The following SMARCAD1 variants were observed in gnomAD, a reference collection of about 807,000 sequenced individuals.
SMARCAD1 encodes SNF2 related chromatin remodeling ATPase with DExD box 1.
In SMARCAD1, 25 loss-of-function variants were observed where a neutral mutation model predicts 127.1. The ratio of observed to expected loss-of-function variants is 0.20; its 90% CI spans 0.14 to 0.27. The LOEUF (loss-of-function observed/expected upper bound fraction) is 0.27, where lower values mean the gene tolerates loss of function less well. SMARCAD1 is among the 10% of genes least tolerant of loss of function. The pLI is 1.00. For synonymous variants in SMARCAD1, 400 were observed against 396.9 expected (o/e 1.01, Z -0.09); for missense variants, 807 against 1,206.0 (o/e 0.67, Z 4.90).
intron 2 of SMARCAD1, among the ~76,000 whole-genome samples, chr4:94,216,738 A>G (rs1267599056): frequency 6.6e-6 from 1 of 152,214 alleles, no homozygotes; most frequent in African/African-American, 2.4e-5. Flanking sequence ...GGATCCATCC[A>G]TGTTGTAGCA....
At chr4:94,284,334 A>G (rs1185406721) in intron 22 of SMARCAD1, among the ~76,000 whole-genome samples, 2 of 97,672 alleles carry the variant, frequency 2.0e-5, no homozygotes, top group Non-Finnish European at 4.5e-5. Flanking sequence ...CTCAAAAAAA[A>G]AAAAAAAAAA....
chr4:94,218,287 T>C (rs538219188), intron 2 of SMARCAD1, among the ~76,000 whole-genome samples: 1 of 151,876 alleles, frequency 6.6e-6, no homozygotes, highest in East Asian at 1.9e-4. Flanking sequence ...AATTGTTTTA[T>C]TTTATTTTTT....
chr4:94,223,686 A>AG (rs1744525229), intron 2 of SMARCAD1, among the ~76,000 whole-genome samples: 1 of 132,514 alleles, frequency 7.5e-6, no homozygotes. Context: ...CTCCTGCCTC[A>AG]CCTCCCCAGT....
At chr4:94,240,124 TAATG>T in intron 5 of SMARCAD1, among the ~76,000 whole-genome samples, 1 of 152,336 alleles carries the variant, frequency 6.6e-6, no homozygotes. Flanking sequence ...CTGATATAAT[TAATG>T]CTGAAATCTT....
intron 7 of SMARCAD1, 39 bp from the exon 8 acceptor site, chr4:94,250,713 T>A (rs755569121): frequency 2.1e-6 from 3 of 1,444,784 alleles, no homozygotes; most frequent in Admixed American, 4.0e-5. Flanking sequence ...AGTTGCTAAT[T>A]TGAGATTTTT....
rs1753619788 is a variant in SMARCAD1, at chr4:94,278,668, C to T, written c.2231C>T (p.Ser744Leu). 1.2e-6 allele frequency: 2 copies of T among 1,613,812 alleles called. No homozygotes were observed. The highest frequency in any genetic ancestry group is 8.5e-7 in the Non-Finnish European group (1 of 1,179,950). The change falls in exon 18 of 24, where the codon TCG (serine) becomes TTG (leucine). Residue 744 changes from serine to leucine, a missense_variant. Around this residue, in one of 8 missense-constraint regions of SMARCAD1, gnomAD observed 148 missense variants for 313.2 expected, o/e 0.47. Coordinates refer to ENST00000354268, the MANE Select transcript of SMARCAD1 (RefSeq NM_020159.5). ...KKDRIELCAM[S>L]EKQEQLYLGL... is the part of the protein sequence containing the mutation. ...GATCGAATTGAGTTGTGTGCAATGT[C>T]GGAGAAGCAGGAGCAACTCTATTTG... is the stretch of plus-strand genomic sequence containing the variant.
chr4:94,288,042 C>G (rs1290674959), intron 23 of SMARCAD1, among the ~76,000 whole-genome samples: 1 of 151,874 alleles, frequency 6.6e-6, no homozygotes, highest in Non-Finnish European at 1.5e-5. Flanking sequence ...ATGAAAAATA[C>G]AGCGATTTAA....
Position 94,274,889 on chromosome 4 carries a change from G to C in SMARCAD1, c.1733-1G>C, listed in dbSNP as rs1182297933. Reference sequence around the variant, plus strand: ...ATGTGTTTATTGTTTTTAAATTCTAGGTTCTCAAGAAGAACGTAAACAAAT... The same window carrying C: ...ATGTGTTTATTGTTTTTAAATTCTACGTTCTCAAGAAGAACGTAAACAAAT... On this transcript the variant is annotated splice_acceptor_variant, in intron 13 of 23. Transcript: ENST00000354268. LOFTEE classifies it high-confidence loss of function. 6.2e-7 allele frequency: 1 copy of C among 1,602,936 alleles called. No homozygotes were observed. The highest frequency in any genetic ancestry group is 8.5e-7 in the Non-Finnish European group (1 of 1,170,314).
rs1327112633 is a variant in SMARCAD1, at chr4:94,290,536, T to C, written c.*1002T>C. ...TGGAAATAGGTCATTAACTTGAAAC[T>C]CTTATCAAAATATATTTTACCAGTT... On this transcript the variant is annotated 3_prime_UTR_variant, in exon 24 of 24. Transcript: ENST00000354268. 2.2e-6 allele frequency: 1 copy of C among 454,378 alleles called. No individual in the cohort carries two copies. The highest frequency in any genetic ancestry group is 4.4e-6 in the Non-Finnish European group (1 of 226,766). The allele number at this position is 454,378 out of a possible 1,614,324, so 28.1% of individuals were successfully genotyped here. A position where few individuals can be genotyped will look rare whatever the true frequency, so the allele number is the denominator to read the frequency against.
intron 23 of SMARCAD1, among the ~76,000 whole-genome samples, chr4:94,286,993 T>G (rs1755031935): frequency 6.6e-6 from 1 of 152,166 alleles, no homozygotes. Context: ...GCCTCCCAAA[T>G]AGCTGGGACT....
At position 94,289,351 on chromosome 4, in the gene SMARCAD1, C is replaced by G. The variant is rs1039561207; in HGVS notation, c.3020-122C>G. ...AAGTTTTTAACAGGGGTGAGTGACA[C>G]TGAAGCAAACTAGCCCTTGAAAGAT... On this transcript the variant is annotated intron_variant, in intron 23 of 23. Transcript: ENST00000354268. The G allele has an allele frequency of 1.4e-5, 12 of 850,888 alleles. No individual in the cohort carries two copies. In the Middle Eastern group the frequency reaches 1.1e-3, roughly 75 times the overall value. 52.7% of individuals were successfully genotyped at this position (850,888 alleles called of 1,614,324 possible).
intron 21 of SMARCAD1, among the ~76,000 whole-genome samples, chr4:94,282,907 G>A (rs1754312276): frequency 6.6e-6 from 1 of 152,132 alleles, no homozygotes. Flanking sequence ...TAGTTGAATT[G>A]AAGTAAGAGT....
At chr4:94,210,373 TGA>T (rs1330865240) in intron 2 of SMARCAD1, among the ~76,000 whole-genome samples, 1 of 152,224 alleles carries the variant, frequency 6.6e-6, no homozygotes, top group Non-Finnish European at 1.5e-5. Context: ...TCTTGAAAAC[TGA>T]GAAGTTTAGA....
At chr4:94,265,068 A>T (rs535813400) in intron 10 of SMARCAD1, among the ~76,000 whole-genome samples, 162 bp downstream of exon 10, 3 of 151,886 alleles carry the variant, frequency 2.0e-5, no homozygotes, top group Admixed American at 1.3e-4. Flanking sequence ...ACTGTTTTTC[A>T]TTGATTTCCC....
intron 2 of SMARCAD1, among the ~76,000 whole-genome samples, chr4:94,219,931 C>T (rs977326038): frequency 2.0e-5 from 3 of 152,184 alleles, no homozygotes; most frequent in Admixed American, 1.3e-4. Flanking sequence ...CAGCATATGT[C>T]AGAATTGAAT....
At chr4:94,209,447 G>C (rs1475625878) in intron 2 of SMARCAD1, among the ~76,000 whole-genome samples, 1 of 152,182 alleles carries the variant, frequency 6.6e-6, no homozygotes, top group Non-Finnish European at 1.5e-5. Flanking sequence ...AAGGTGAAAG[G>C]AATGTTGGAA....
intron 6 of SMARCAD1, among the ~76,000 whole-genome samples, chr4:94,245,694 TGTA>T (rs1419084137): frequency 2.0e-5 from 3 of 152,242 alleles, no homozygotes; most frequent in Non-Finnish European, 2.9e-5. Flanking sequence ...TCATATTTAT[TGTA>T]GTATTTAGGT....
At chr4:94,222,844 A>G (rs1013274254) in intron 2 of SMARCAD1, among the ~76,000 whole-genome samples, 10 of 151,988 alleles carry the variant, frequency 6.6e-5, no homozygotes, top group Non-Finnish European at 1.0e-4. Context: ...GGCACCTGTA[A>G]TCCCAGCTAC....
In SMARCAD1 at chr4:94,252,602, T is replaced by A. The variant is rs1317436153; in HGVS notation, c.890-14T>A. 4.5e-5 allele frequency: 68 copies of A among 1,497,318 alleles called. No homozygotes were observed. The highest frequency in any genetic ancestry group is 6.0e-5 in the Non-Finnish European group (67 of 1,115,804). 92.8% of individuals were successfully genotyped at this position (1,497,318 alleles called of 1,614,324 possible). The stretch of plus-strand genomic sequence containing the variant: ...ATTTCTAATTTAGTTACTGTTTTTG[T>A]CTTTTATATACAGATATGCAATATG... On this transcript the variant is annotated splice_polypyrimidine_tract_variant and intron_variant, in intron 8 of 23. Coordinates refer to ENST00000354268, the MANE Select transcript of SMARCAD1 (RefSeq NM_020159.5).
Sources: gnomAD v4.1 joint callset for allele counts (sites outside exome capture counted in the v4.1 genomes callset) on GRCh38, gnomAD v4.1.1 for gene constraint, gnomAD v4.1.1 regional missense constraint, MANE v1.5 for transcripts, NCBI Gene and HGNC (gene_info 2026-07-23, HGNC 2026-07-21) for gene names.